The following NALCN variants were observed in gnomAD, a reference collection of about 807,000 sequenced individuals.
NALCN encodes sodium leak channel, non-selective.
A neutral mutation model predicts 225.3 loss-of-function variants in NALCN; 111 were observed. The ratio of observed to expected loss-of-function variants is 0.49; its 90% confidence interval spans 0.42 to 0.58. The LOEUF (loss-of-function observed/expected upper bound fraction) is 0.58, where lower values mean the gene tolerates loss of function less well. Among genes scored for constraint, NALCN ranks in the 20% least tolerant of loss-of-function variants. NALCN has a pLI of 0.00. For missense variants in NALCN, 1,378 were observed against 2,202.4 expected, an observed-to-expected ratio of 0.63 and a Z score of 7.49; for synonymous variants, 764 against 769.0, an observed-to-expected ratio of 0.99 and a Z score of 0.11.
rs186564461 is a variant in NALCN, at chr13:101,379,226, G to C, written c.292-573C>G. Among the ~76,000 whole-genome samples the C allele has an allele frequency of 1.3e-3, 203 of 152,318 alleles. 1 individual carries two copies. Among genetic ancestry groups the C allele is most frequent in the Non-Finnish European group, 2.3e-3 (159 of 68,022 alleles). ...AAAAGTCAGGAAACAACAGATGCTG[G>C]AGAGGATGTAGAGAACTAGGAACAC... On this transcript the variant is annotated intron_variant, in intron 3 of 43. Transcript: ENST00000251127.
At chr13:101,409,318 C>T (rs1322075334) in intron 1 of NALCN, among the ~76,000 whole-genome samples, 3 of 152,146 alleles carry the variant, frequency 2.0e-5, no homozygotes, top group East Asian at 3.9e-4. Flanking sequence ...GCATTTAACA[C>T]GAGAACTGTC....
intron 12 of NALCN, among the ~76,000 whole-genome samples, chr13:101,232,803 T>C (rs1298392115): frequency 6.6e-6 from 1 of 152,128 alleles, no homozygotes. Flanking sequence ...TCTCAGATAA[T>C]CTTTACAAAG....
At chr13:101,355,807 C>A (rs933094794) in intron 6 of NALCN, among the ~76,000 whole-genome samples, 2 of 152,184 alleles carry the variant, frequency 1.3e-5, no homozygotes, top group African/African-American at 2.4e-5. Context: ...AAGTAAAACA[C>A]TGCTCAGCAA....
At chr13:101,111,042 A>G in intron 19 of NALCN, 83 bp downstream of exon 19, 5 of 1,386,714 alleles carry the variant, frequency 3.6e-6, no homozygotes, top group Admixed American at 1.9e-5. Context: ...CAGGGCTGAC[A>G]GCCGTGACTG....
intron 13 of NALCN, among the ~76,000 whole-genome samples, chr13:101,193,524 A>C (rs2039767092): frequency 6.6e-6 from 1 of 152,132 alleles, no homozygotes; most frequent in South Asian, 2.1e-4. Flanking sequence ...AATTATTTTT[A>C]CCTTGAGTTG....
At chr13:101,346,085 C>CTATATATATATA (rs1164298684) in intron 6 of NALCN, among the ~76,000 whole-genome samples, 12 of 80,378 alleles carry the variant, frequency 1.5e-4, no homozygotes, top group African/African-American at 4.0e-4. Flanking sequence ...CTCTCTCTCT[C>CTATATATATATA]TCTATATATA....
intron 34 of NALCN, among the ~76,000 whole-genome samples, chr13:101,077,937 T>A (rs1028211908): frequency 2.6e-5 from 4 of 152,334 alleles, no homozygotes; most frequent in Middle Eastern, 3.4e-3. Context: ...TGGGACATGG[T>A]GCCCTGCCTT....
rs1184286948 is a variant in NALCN, at chr13:101,134,309, C to A, written c.2118+8771G>T. Among the ~76,000 whole-genome samples the A allele has an allele frequency of 2.0e-5, 3 of 152,348 alleles. No homozygotes were observed. The East Asian group carries it at 5.8e-4, about 29-fold the overall frequency. ...CATGTGCACGTGTGTGCATGCCATG[C>A]ATACACCAAATCTTCGCTCTTCCTT... is the stretch of plus-strand genomic sequence containing the variant. On this transcript the variant is annotated intron_variant, in intron 17 of 43. Coordinates refer to ENST00000251127, the MANE Select transcript of NALCN (RefSeq NM_052867.4).
chr13:101,111,090 A>G, intron 19 of NALCN, 35 bp downstream of exon 19: 1 of 1,576,614 alleles, frequency 6.3e-7, no homozygotes, highest in Non-Finnish European at 8.7e-7. Context: ...CCCCTTTTTT[A>G]GAGTCTCTGA....
chr13:101,185,967 C>T lies in NALCN; in HGVS notation c.1764+5950G>A, dbSNP rs111429292. On this transcript the variant is annotated intron_variant, in intron 14 of 43. Transcript: ENST00000251127. Reference sequence around the variant, plus strand: ...TTGTAAAAGGAAACATACAATTAAACAAAAATGCTCATTTTAAGGTAAGTT... The same window carrying T: ...TTGTAAAAGGAAACATACAATTAAATAAAAATGCTCATTTTAAGGTAAGTT... Among the ~76,000 whole-genome samples, 528 of 152,188 alleles carry T rather than the reference C, an allele frequency of 3.5e-3. 3 individuals are homozygous for T. The highest frequency in any genetic ancestry group is 0.011 in the African/African-American group (474 of 41,524).
At chr13:101,278,818 G>A (rs141186089) in intron 10 of NALCN, among the ~76,000 whole-genome samples, 8 of 152,256 alleles carry the variant, frequency 5.3e-5, no homozygotes, top group African/African-American at 9.6e-5. Context: ...AGACTCCAAC[G>A]ACATGCATAT....
intron 15 of NALCN, among the ~76,000 whole-genome samples, chr13:101,146,799 C>T (rs376764199): frequency 6.6e-5 from 10 of 152,274 alleles, no homozygotes; most frequent in Admixed American, 3.3e-4. Context: ...TCACTGCACT[C>T]GCCCTCACGG....
chr13:101,149,097 T>C (rs553806515), intron 15 of NALCN, among the ~76,000 whole-genome samples: 2 of 152,202 alleles, frequency 1.3e-5, no homozygotes, highest in African/African-American at 4.8e-5. Context: ...ATCGAGACCA[T>C]CCTGGCTAAC....
intron 27 of NALCN, among the ~76,000 whole-genome samples, chr13:101,100,324 A>C (rs748381809): frequency 3.9e-5 from 6 of 152,212 alleles, no homozygotes; most frequent in Non-Finnish European, 7.3e-5. Flanking sequence ...TTACAGCTGT[A>C]AACAGCTGGA....
intron 13 of NALCN, among the ~76,000 whole-genome samples, chr13:101,210,563 A>G (rs2040486292): frequency 6.6e-6 from 1 of 152,194 alleles, no homozygotes; most frequent in Non-Finnish European, 1.5e-5. Flanking sequence ...GTCGCAAAAG[A>G]CTGATTAAAA....
chr13:101,315,711 T>C (rs2044529160), intron 7 of NALCN, among the ~76,000 whole-genome samples: 1 of 152,164 alleles, frequency 6.6e-6, no homozygotes. Flanking sequence ...TATCAAGTAA[T>C]CATTAATAAG....
At position 101,192,028 on chromosome 13, in the gene NALCN, G is replaced by A. The variant is rs1452728009; in HGVS notation, c.1653C>T (p.Leu551=). 4 of 1,598,342 alleles carry A rather than the reference G, an allele frequency of 2.5e-6. No individual in the cohort carries two copies. Among genetic ancestry groups the A allele is most frequent in the Non-Finnish European group, 3.4e-6 (4 of 1,175,270 alleles). ...PRAFMSMFQI[L]TQEGWVDVMD... is the part of the protein sequence containing the mutation. ...TTACGTCCACCCATCCTTCCTGGGT[G>A]AGGATCTGGAACATGGACATAAATG... Residue 551 remains leucine, a synonymous_variant, in exon 14 of 44, where the codon CTC becomes CTT. Coordinates refer to ENST00000251127, the MANE Select transcript of NALCN (RefSeq NM_052867.4).
At chr13:101,311,826 T>C (rs2044357533) in intron 7 of NALCN, among the ~76,000 whole-genome samples, 1 of 152,110 alleles carries the variant, frequency 6.6e-6, no homozygotes, top group Non-Finnish European at 1.5e-5. Flanking sequence ...ATTCTCTTTT[T>C]TGGTTGTGTC....
At chr13:101,365,114 C>T (rs763318085) in intron 6 of NALCN, among the ~76,000 whole-genome samples, 2 of 152,100 alleles carry the variant, frequency 1.3e-5, no homozygotes, top group African/African-American at 2.4e-5. Context: ...GCGTGTCATG[C>T]GAGCGTGGCG....
Sources: allele counts gnomAD v4.1 joint callset (sites outside exome capture counted in the v4.1 genomes callset), GRCh38; gene constraint gnomAD v4.1.1; transcripts MANE v1.5; gene names NCBI Gene and HGNC (gene_info 2026-07-23, HGNC 2026-07-21).